Variants in KCNK2 observed in about 807,000 individuals in gnomAD.
KCNK2 encodes potassium channel subfamily K member 2.
Under a neutral mutation model 40.5 loss-of-function variants are expected in KCNK2, and 21 were observed. The ratio of observed to expected loss-of-function variants is 0.52; its 90% confidence interval spans 0.37 to 0.75. The LOEUF (loss-of-function observed/expected upper bound fraction) is 0.75. KCNK2 is among the 30% of genes least tolerant of loss of function. The pLI, the probability that KCNK2 is intolerant of heterozygous loss-of-function variation, is 0.00. For synonymous variants in KCNK2, 191 were observed against 202.2 expected, an observed-to-expected ratio of 0.94 and a Z score of 0.47; for missense variants, 399 against 531.6, an observed-to-expected ratio of 0.75 and a Z score of 2.45.
chr1:215,117,295 G>T (rs1660988646), intron 2 of KCNK2, among the ~76,000 whole-genome samples: 1 of 151,930 alleles, frequency 6.6e-6, no homozygotes, highest in East Asian at 1.9e-4. Context: ...TCAGATGTAT[G>T]CAAAAATGGA....
chr1:215,101,986 T>G (rs1660241986), intron 2 of KCNK2, among the ~76,000 whole-genome samples: 1 of 152,050 alleles, frequency 6.6e-6, no homozygotes, highest in Non-Finnish European at 1.5e-5. Flanking sequence ...TTTTTAAAAT[T>G]TTTTGAGTTT....
chr1:215,013,096 CA>C (rs1322431508), intron 1 of KCNK2, among the ~76,000 whole-genome samples: 1 of 151,258 alleles, frequency 6.6e-6, no homozygotes, highest in Non-Finnish European at 1.5e-5. Context: ...TTTCTTTTTT[CA>C]AAATATTTGT....
chr1:215,160,963 G>T lies in KCNK2; in HGVS notation c.476-8236G>T, dbSNP rs192926465. Among the ~76,000 whole-genome samples, 97 of 151,912 alleles carry T rather than the reference G, an allele frequency of 6.4e-4. 1 individual carries two copies. The highest frequency in any genetic ancestry group is 2.1e-3 in the African/African-American group (85 of 41,446). On this transcript the variant is annotated intron_variant, in intron 3 of 6. Transcript: ENST00000444842. The stretch of plus-strand genomic sequence containing the variant: ...TCTTACCTTCCTTGATCCTACCCTG[G>T]TATCCCCCAGACCTGGTCATTTTTC...
chr1:215,200,970 T>C (rs1665058659), intron 6 of KCNK2, among the ~76,000 whole-genome samples: 2 of 152,144 alleles, frequency 1.3e-5, no homozygotes, highest in South Asian at 4.1e-4. Context: ...GTGCCTGGAA[T>C]GTAGGAGAAA....
At chr1:215,047,563 A>T (rs896499763) in intron 1 of KCNK2, among the ~76,000 whole-genome samples, 1 of 152,128 alleles carries the variant, frequency 6.6e-6, no homozygotes, top group Non-Finnish European at 1.5e-5. Context: ...TTAAGATTCT[A>T]TGATGATAGA....
intron 1 of KCNK2, among the ~76,000 whole-genome samples, chr1:215,044,195 C>G (rs1187281573): frequency 6.6e-6 from 1 of 151,986 alleles, no homozygotes; most frequent in Non-Finnish European, 1.5e-5. Flanking sequence ...TAGGAAAATA[C>G]TAGTCGTACA....
At position 215,083,003 on chromosome 1, in the gene KCNK2, TGGC is replaced by T. The variant is rs902723623; in HGVS notation, c.-356_-354del. 3.7e-3 allele frequency: 560 copies of T among 152,654 alleles called. 1 individual carries two copies. The highest frequency in any genetic ancestry group is 9.5e-3 in the Middle Eastern group (3 of 316). 9.5% of individuals were successfully genotyped at this position (152,654 alleles called of 1,614,324 possible). The stretch of plus-strand genomic sequence containing the variant: ...AGCGAGCAGCCCGGGGCTGAGCGCG[TGGC>T]GGCGGCGGCGGCGGCGGCGGCGGCG... On this transcript the variant is annotated 5_prime_UTR_variant, in exon 1 of 7. Coordinates refer to ENST00000444842, the MANE Select transcript of KCNK2 (RefSeq NM_001017425.3).
intron 3 of KCNK2, among the ~76,000 whole-genome samples, chr1:215,126,142 A>G (rs1417841400): frequency 2.0e-5 from 3 of 152,208 alleles, no homozygotes; most frequent in Non-Finnish European, 2.9e-5. Context: ...AAATAAGAGA[A>G]CATGGAAAAT....
chr1:215,119,572 T>C (rs1396377368), intron 2 of KCNK2, among the ~76,000 whole-genome samples: 1 of 152,142 alleles, frequency 6.6e-6, no homozygotes, highest in Non-Finnish European at 1.5e-5. Context: ...GGAGCAAAAT[T>C]AAATGTGAAT....
intron 3 of KCNK2, among the ~76,000 whole-genome samples, chr1:215,154,427 G>GGTT (rs1269299365): frequency 4.7e-5 from 7 of 149,108 alleles, no homozygotes; most frequent in African/African-American, 1.5e-4. Flanking sequence ...TTTTTGATGG[G>GGTT]TTTTTTTTTT....
At position 215,007,179 on chromosome 1, in the gene KCNK2, G is replaced by GTATATGTATATGTATA. The variant is rs1326276235; in HGVS notation, c.34+1225_34+1226insATATGTATATGTATAT. ...TATGTATGTATATATATATGTATGT[G>GTATATGTATATGTATA]TGTGGGTATATATATATATATATAT... On this transcript the variant is annotated intron_variant, in intron 1 of 6. Transcript: ENST00000391895. Among the ~76,000 whole-genome samples, 22 of 68,104 alleles carry GTATATGTATATGTATA rather than the reference G, an allele frequency of 3.2e-4. No individual in the cohort carries two copies. The South Asian group carries it at 0.012, about 37-fold the overall frequency. 44.7% of individuals were successfully genotyped at this position (68,104 alleles called of 152,430 possible). A position where few individuals can be genotyped will look rare whatever the true frequency, so the allele number is the denominator to read the frequency against.
intron 3 of KCNK2, among the ~76,000 whole-genome samples, chr1:215,131,488 C>A (rs1034422332): frequency 3.4e-5 from 5 of 145,282 alleles, no homozygotes; most frequent in Non-Finnish European, 6.0e-5. Context: ...TTAATGTATG[C>A]AAATTATTAA....
chr1:215,130,179 C>T (rs1373794051), intron 3 of KCNK2, among the ~76,000 whole-genome samples: 1 of 152,140 alleles, frequency 6.6e-6, no homozygotes, highest in African/African-American at 2.4e-5. Flanking sequence ...TGAGTTTAAT[C>T]ACCAATGGCC....
intron 1 of KCNK2, among the ~76,000 whole-genome samples, chr1:215,022,503 A>T (rs144056029): frequency 6.6e-6 from 1 of 152,088 alleles, no homozygotes; most frequent in African/African-American, 2.4e-5. Flanking sequence ...TCCACAGGGG[A>T]TTTTCAAATT....
At position 215,234,920 on chromosome 1, in the gene KCNK2, T is replaced by C. The variant is rs1191635364; in HGVS notation, c.1056T>C (p.Tyr352=). Residue 352 remains tyrosine, a synonymous_variant, in exon 7 of 7, where the codon TAT becomes TAC. Transcript: ENST00000444842. ...ETRRRLSVEI[Y]DKFQRATSIK... Reference sequence around the variant, plus strand: ...GGAGGCGACTGAGTGTGGAGATTTATGACAAGTTCCAGCGGGCCACCTCCA... The same window carrying C: ...GGAGGCGACTGAGTGTGGAGATTTACGACAAGTTCCAGCGGGCCACCTCCA... 2 of 1,614,078 alleles carry C rather than the reference T, an allele frequency of 1.2e-6. No individual in the cohort carries two copies. The highest frequency in any genetic ancestry group is 1.7e-6 in the Non-Finnish European group (2 of 1,180,006).
chr1:215,175,559 G>A (rs931117380), intron 5 of KCNK2, among the ~76,000 whole-genome samples: 2 of 151,692 alleles, frequency 1.3e-5, no homozygotes, highest in African/African-American at 2.4e-5. Flanking sequence ...GGTATATTGT[G>A]CGATGTTGAG....
At chr1:215,008,823 C>T (rs903496303) in intron 1 of KCNK2, among the ~76,000 whole-genome samples, 7 of 152,014 alleles carry the variant, frequency 4.6e-5, no homozygotes, top group African/African-American at 1.7e-4. Context: ...AGCAAATCTA[C>T]ATGTGCAGTA....
Position 215,019,204 on chromosome 1 carries a change from G to GT in KCNK2, c.34+13250dup, listed in dbSNP as rs147437957. ...GTCCTCTTCAAAGAACAGCTGTCTA[G>GT]TAGAGTGATTTCACTTTGCTTTTAA... On this transcript the variant is annotated intron_variant, in intron 1 of 6. Coordinates refer to the KCNK2 transcript ENST00000391895. Among the ~76,000 whole-genome samples, 632 of 152,296 alleles carry GT rather than the reference G, an allele frequency of 4.1e-3. 8 individuals are homozygous for GT. The highest frequency in any genetic ancestry group is 0.014 in the African/African-American group (592 of 41,564).
chr1:215,187,245 T>A (rs1664477216), intron 5 of KCNK2, among the ~76,000 whole-genome samples: 1 of 152,196 alleles, frequency 6.6e-6, no homozygotes, highest in Non-Finnish European at 1.5e-5. Flanking sequence ...GCTGGGATTT[T>A]AAAAGCATCA....
Sources: gnomAD v4.1 joint callset for allele counts (sites outside exome capture counted in the v4.1 genomes callset) on GRCh38, gnomAD v4.1.1 for gene constraint, MANE v1.5 for transcripts, NCBI Gene and HGNC (gene_info 2026-07-23, HGNC 2026-07-21) for gene names.